The following ZCWPW1 variants were observed in gnomAD, a reference collection of about 807,000 sequenced individuals.
The protein encoded by ZCWPW1 is zinc finger CW-type PWWP domain protein 1.
ZCWPW1 carries 56 observed loss-of-function variants against 81.3 expected under a neutral mutation model. The observed-to-expected ratio is 0.69, with a 90% CI of 0.56 to 0.86. ZCWPW1 has a LOEUF of 0.86. Ranked by LOEUF, ZCWPW1 falls within the 40% of genes least tolerant of loss-of-function variation. The probability of loss-of-function intolerance (pLI) is 0.00; values close to 1 mark genes in which losing one functional copy is unlikely to be tolerated. For synonymous variants in ZCWPW1, 250 were observed against 273.7 expected (o/e 0.91, Z 0.86); for missense variants, 650 against 769.8 (o/e 0.84, Z 1.84).
chr7:100,422,941 T>C (rs769436774), intron 2 of ZCWPW1, among the ~76,000 whole-genome samples: 1 of 152,254 alleles, frequency 6.6e-6, no homozygotes, highest in African/African-American at 2.4e-5. Flanking sequence ...CATAGTATTC[T>C]GTGTCCACCC....
intron 5 of ZCWPW1, among the ~76,000 whole-genome samples, chr7:100,417,886 T>G (rs1007384535): frequency 3.3e-5 from 5 of 151,466 alleles, no homozygotes; most frequent in East Asian, 1.9e-4. Context: ...TTGGTTTTTG[T>G]TTTTTGGTTT....
rs536190531 is a variant in ZCWPW1 at position 100,409,533 on chromosome 7, C to T, written c.766G>A (p.Val256Ile). ...GEISGFGQCL[V>I]WVQCSFPNCG... is the part of the protein sequence containing the mutation. ...TTTGGGAAGGAACACTGGACCCAGA[C>T]CAGACATTGACCTGTGAGAGGAAAA... The change falls in exon 9 of 18, where the codon GTC becomes ATC. Residue 256 changes from valine (V) to isoleucine (I), a missense_variant. By Grantham distance (29) the Val-to-Ile change is conservative. Coordinates refer to ENST00000684423, the MANE Select transcript of ZCWPW1 (RefSeq NM_001386010.1). The T allele has an allele frequency of 1.4e-4, 227 of 1,613,548 alleles. 1 individual carries two copies. The highest frequency in any genetic ancestry group is 1.4e-3 in the South Asian group (126 of 91,048).
At chr7:100,428,272 C>T (rs1459973515) in intron 1 of ZCWPW1, among the ~76,000 whole-genome samples, 4 of 152,172 alleles carry the variant, frequency 2.6e-5, no homozygotes, top group Non-Finnish European at 5.9e-5. Flanking sequence ...ACGAGGACGC[C>T]CTGAGCACTA....
chr7:100,404,148 T>G, intron 14 of ZCWPW1, 30 bp downstream of exon 14: 1 of 1,610,810 alleles, frequency 6.2e-7, no homozygotes, highest in Non-Finnish European at 8.5e-7. Context: ...CTCCCATCCT[T>G]CTCCAGTCCT....
At chr7:100,402,996 A>T (rs1200250648) in intron 15 of ZCWPW1, among the ~76,000 whole-genome samples, 2 of 152,196 alleles carry the variant, frequency 1.3e-5, no homozygotes, top group Non-Finnish European at 2.9e-5. Context: ...AGTCAAATAC[A>T]TACAGTAGGA....
intron 17 of ZCWPW1, 67 bp downstream of exon 17, chr7:100,401,822 A>G: frequency 6.6e-7 from 1 of 1,525,460 alleles, no homozygotes. Flanking sequence ...TTAAGAAATG[A>G]TTCAGGGAGG....
At position 100,419,657 on chromosome 7, in the gene ZCWPW1, G is replaced by C. The variant is rs529648181; in HGVS notation, c.255C>G (p.Ile85Met). Reference sequence around the variant, plus strand: ...TTTCTTTCTTCTCTGCTTGCTTGTTGATTTGTGCCTTTCTTTTTTTCTCCT... The same window carrying C: ...TTTCTTTCTTCTCTGCTTGCTTGTTCATTTGTGCCTTTCTTTTTTTCTCCT... ...REQEKKRKAQINKQAEKKEKE... is the reference protein window; with the variant it reads ...REQEKKRKAQMNKQAEKKEKE... The change falls in exon 4 of 18, where the codon ATC becomes ATG. Residue 85 changes from isoleucine to methionine, a missense_variant. Ile to Met is a conservative substitution (Grantham distance 10, BLOSUM62 1). Transcript: ENST00000684423. 2.2e-5 allele frequency: 35 copies of C among 1,612,208 alleles called. No homozygotes were observed. The Admixed American group carries it at 5.5e-4, about 26-fold the overall frequency.
rs771324145 is a variant in ZCWPW1, at chr7:100,408,539, C to G, written c.992G>C (p.Trp331Ser). The G allele has an allele frequency of 1.9e-6, 3 of 1,613,032 alleles. No homozygotes were observed. The highest frequency in any genetic ancestry group is 2.5e-6 in the Non-Finnish European group (3 of 1,179,534). ...CTCTGACTGTGTCATAATGCCCTAC[C>G]AGGGGTAACCGTATTGCTTGGCCCA... ...IIWAKQYGYP[W>S]WPGMIESDPD... The change falls in exon 10 of 18, where the codon TGG (tryptophan) becomes TCG (serine). Residue 331 changes from tryptophan (W) to serine (S), a missense_variant and splice_region_variant. Physicochemically the swap from Trp to Ser is radical, Grantham distance 177 (BLOSUM62 -3). Transcript: ENST00000684423.
At chr7:100,416,562 C>A in intron 6 of ZCWPW1, 106 bp from the exon 7 acceptor site, 1 of 1,203,958 alleles carries the variant, frequency 8.3e-7, no homozygotes, top group Non-Finnish European at 1.2e-6. Flanking sequence ...CCTAAGCTCT[C>A]TAAGACCTCC....
intron 15 of ZCWPW1, 114 bp from the exon 16 acceptor site, chr7:100,402,690 T>C: frequency 9.5e-7 from 1 of 1,049,290 alleles, no homozygotes; most frequent in East Asian, 2.4e-5. Flanking sequence ...AAGTAGCTTC[T>C]GTGAGCCTGA....
chr7:100,417,359 G>A (rs973087345), intron 5 of ZCWPW1, 176 bp from the exon 6 acceptor site: 4 of 550,902 alleles, frequency 7.3e-6, no homozygotes, highest in Non-Finnish European at 1.3e-5. Flanking sequence ...GTATCTTTCT[G>A]CAAGCCTTTC....
chr7:100,404,420 G>GTACA lies in ZCWPW1; in HGVS notation c.1255-180_1255-177dup, dbSNP rs1792559898. Among the ~76,000 whole-genome samples, 4 of 152,228 alleles carry GTACA rather than the reference G, an allele frequency of 2.6e-5. No individual in the cohort carries two copies. The South Asian group carries it at 8.3e-4, about 32-fold the overall frequency. ...CTGTCACCCAGGCTGGAGTGCAGTG[G>GTACA]TACAATCTTTACTCACTGCAACCTC... On this transcript the variant is annotated intron_variant, in intron 13 of 17. Coordinates refer to ENST00000684423, the MANE Select transcript of ZCWPW1 (RefSeq NM_001386010.1).
At chr7:100,416,563 T>C in intron 6 of ZCWPW1, 107 bp from the exon 7 acceptor site, 1 of 1,203,468 alleles carries the variant, frequency 8.3e-7, no homozygotes, top group Non-Finnish European at 1.2e-6. Flanking sequence ...CTAAGCTCTC[T>C]AAGACCTCCT....
At chr7:100,421,202 C>T (rs1039791308) in intron 2 of ZCWPW1, among the ~76,000 whole-genome samples, 2 of 152,128 alleles carry the variant, frequency 1.3e-5, no homozygotes, top group African/African-American at 4.8e-5. Flanking sequence ...GTTTTATGTG[C>T]CTAGAACCAT....
intron 8 of ZCWPW1, among the ~76,000 whole-genome samples, chr7:100,411,369 T>C (rs1481053301): frequency 6.6e-6 from 1 of 151,888 alleles, no homozygotes; most frequent in African/African-American, 2.4e-5. Context: ...CAGGTTCCAG[T>C]GATCCTCCCA....
intron 2 of ZCWPW1, among the ~76,000 whole-genome samples, chr7:100,424,471 TA>T (rs1796946352): frequency 1.3e-5 from 2 of 152,114 alleles, no homozygotes; most frequent in East Asian, 1.9e-4. Flanking sequence ...AAATTATTAT[TA>T]TTTTTTTTGA....
chr7:100,423,903 T>C (rs989261049), intron 2 of ZCWPW1, among the ~76,000 whole-genome samples: 6 of 152,066 alleles, frequency 3.9e-5, no homozygotes, highest in Non-Finnish European at 8.8e-5. Flanking sequence ...ACCCCTTCTC[T>C]ACTAAAAATA....
intron 15 of ZCWPW1, 50 bp from the exon 16 acceptor site, chr7:100,402,626 C>G: frequency 3.2e-6 from 5 of 1,574,478 alleles, no homozygotes; most frequent in Non-Finnish European, 4.4e-6. Flanking sequence ...AGGCCCCTAA[C>G]TGTTTTTAAT....
chr7:100,402,724 CAG>C (rs1389434081), intron 15 of ZCWPW1, 148 bp from the exon 16 acceptor site: 2 of 816,484 alleles, frequency 2.4e-6, no homozygotes, highest in Admixed American at 2.0e-5. Flanking sequence ...TCTGGCAACA[CAG>C]AGAAAAATGT....
Sources: allele counts gnomAD v4.1 joint callset (sites outside exome capture counted in the v4.1 genomes callset), GRCh38; gene constraint gnomAD v4.1.1; transcripts MANE v1.5; gene names NCBI Gene and HGNC (gene_info 2026-07-23, HGNC 2026-07-21).